The following SLC71A1 variants were observed in gnomAD, a reference collection of about 807,000 sequenced individuals.
SLC71A1 encodes the protein solute carrier family 71 member 1.
the SLC71A1 span, chr1:100,058,744 CAT>C: frequency 5.5e-6 from 8 of 1,442,572 alleles, no homozygotes; most frequent in Non-Finnish European, 7.8e-6. Flanking sequence ...ATCAGTCATA[CAT>C]ATATATGTGT....
At chr1:100,047,072 C>CT in the SLC71A1 span, among the ~76,000 whole-genome samples, 1 of 152,126 alleles carries the variant, frequency 6.6e-6, no homozygotes, top group East Asian at 1.9e-4. Flanking sequence ...CTTAATTGCT[C>CT]TAGTTGGTAC....
At chr1:100,050,258 C>G in the SLC71A1 span, among the ~76,000 whole-genome samples, 1 of 152,020 alleles carries the variant, frequency 6.6e-6, no homozygotes, top group East Asian at 1.9e-4. Flanking sequence ...TGTAACTACT[C>G]TGAGTAAAAT....
the SLC71A1 span, among the ~76,000 whole-genome samples, chr1:100,039,562 T>C: frequency 6.7e-6 from 1 of 149,096 alleles, no homozygotes; most frequent in Non-Finnish European, 1.5e-5. Context: ...CCTCAAGTTC[T>C]TTTTATTGAA....
the SLC71A1 span, chr1:100,083,020 C>T: frequency 6.6e-6 from 1 of 152,438 alleles, no homozygotes; most frequent in Non-Finnish European, 1.5e-5. Context: ...AGTGTGATAT[C>T]TATTATGTAG....
At chr1:100,069,546 C>G in the SLC71A1 span, 12 of 886,364 alleles carry the variant, frequency 1.4e-5, no homozygotes, top group Non-Finnish European at 2.0e-5. Context: ...ATACAAGTAG[C>G]TGCAGTGGTT....
At chr1:100,049,174 T>C in the SLC71A1 span, among the ~76,000 whole-genome samples, 1 of 152,234 alleles carries the variant, frequency 6.6e-6, no homozygotes, top group Non-Finnish European at 1.5e-5. Context: ...TCTTAAGACA[T>C]CTCTGGCAGC....
chr1:100,058,411 A>G, the SLC71A1 span, among the ~76,000 whole-genome samples: 3 of 152,188 alleles, frequency 2.0e-5, no homozygotes, highest in South Asian at 4.1e-4. Context: ...TAACCTCTGC[A>G]TATCAGTTTT....
chr1:100,078,611 GT>G, the SLC71A1 span: 3 of 1,155,916 alleles, frequency 2.6e-6, no homozygotes, highest in South Asian at 3.8e-5. Flanking sequence ...CCTGTGTTCT[GT>G]CTCCTATGTA....
chr1:100,050,755 A>G, the SLC71A1 span, among the ~76,000 whole-genome samples: 4 of 152,142 alleles, frequency 2.6e-5, no homozygotes, highest in Admixed American at 2.6e-4. Flanking sequence ...ATATTTCTTG[A>G]TATATTTATT....
chr1:100,080,793 G>A, the SLC71A1 span: 1 of 775,452 alleles, frequency 1.3e-6, no homozygotes, highest in Non-Finnish European at 2.0e-6. Flanking sequence ...CAGAGTTTAA[G>A]GGACTGTGTT....
the SLC71A1 span, among the ~76,000 whole-genome samples, chr1:100,041,805 T>C: frequency 6.6e-6 from 1 of 151,776 alleles, no homozygotes; most frequent in East Asian, 1.9e-4. Context: ...GTGCCTGTAA[T>C]CCCAGCTACC....
chr1:100,078,713 G>A, the SLC71A1 span: 20 of 528,188 alleles, frequency 3.8e-5, no homozygotes, highest in Non-Finnish European at 5.1e-5. Flanking sequence ...TTATCCTTAG[G>A]TAGATACATA....
At chr1:100,073,908 A>G in the SLC71A1 span, among the ~76,000 whole-genome samples, 15 of 152,360 alleles carry the variant, frequency 9.8e-5, no homozygotes, top group African/African-American at 3.4e-4. Flanking sequence ...TTTCCGTTCA[A>G]GAACACTTAT....
At chr1:100,073,208 A>T in the SLC71A1 span, among the ~76,000 whole-genome samples, 1 of 152,210 alleles carries the variant, frequency 6.6e-6, no homozygotes, top group African/African-American at 2.4e-5. Context: ...CTCCATTAGT[A>T]GGAACCCAAT....
chr1:100,059,955 A>T, the SLC71A1 span: 1 of 1,613,100 alleles, frequency 6.2e-7, no homozygotes, highest in African/African-American at 1.3e-5. Flanking sequence ...TCTTGCTGCT[A>T]ACGGTGTTTT....
chr1:100,049,993 C>T, the SLC71A1 span: 1 of 1,571,372 alleles, frequency 6.4e-7, no homozygotes, highest in Non-Finnish European at 8.7e-7. Context: ...ATTGACAGCA[C>T]CCACCTTGGT....
the SLC71A1 span, among the ~76,000 whole-genome samples, chr1:100,047,155 C>T: frequency 6.6e-6 from 1 of 152,164 alleles, no homozygotes; most frequent in Non-Finnish European, 1.5e-5. Context: ...TGAGGAAAGG[C>T]TTTCAGGTTT....
At chr1:100,067,690 G>A in the SLC71A1 span, among the ~76,000 whole-genome samples, 1 of 152,082 alleles carries the variant, frequency 6.6e-6, no homozygotes, top group African/African-American at 2.4e-5. Flanking sequence ...GTGTGTGCCT[G>A]TAGCCCCATC....
the SLC71A1 span, among the ~76,000 whole-genome samples, chr1:100,038,984 T>G: frequency 6.6e-6 from 1 of 152,212 alleles, no homozygotes; most frequent in South Asian, 2.1e-4. Flanking sequence ...ACTGTGTGTC[T>G]TAAGATCAAA....
Sources: gnomAD v4.1 joint callset for allele counts (sites outside exome capture counted in the v4.1 genomes callset) on GRCh38, gnomAD v4.1.1 for gene constraint, MANE v1.5 for transcripts, NCBI Gene and HGNC (gene_info 2026-07-23, HGNC 2026-07-21) for gene names.